The following RTN3 variants were observed in gnomAD, a reference collection of about 807,000 sequenced individuals.
The protein encoded by RTN3 is reticulon 3, also known as reticulon-3.
In RTN3, 49 loss-of-function variants were observed where a neutral mutation model predicts 77.8. That is an observed-to-expected ratio of 0.63 (90% CI 0.50 to 0.80). The LOEUF (loss-of-function observed/expected upper bound fraction) is 0.80. Among genes scored for constraint, RTN3 ranks in the 30% least tolerant of loss-of-function variants. The pLI is 0.00. For synonymous variants in RTN3, 464 were observed against 446.9 expected (o/e 1.04, Z -0.48); for missense variants, 1,236 against 1,211.9 (o/e 1.02, Z -0.29).
chr11:63,753,612 G>A, intron 6 of RTN3, 50 bp from the exon 7 acceptor site: 1 of 1,511,456 alleles, frequency 6.6e-7, no homozygotes, highest in Non-Finnish European at 9.2e-7. Flanking sequence ...GTCTTAAGAT[G>A]TGACTGTCTC....
Position 63,681,723 on chromosome 11 carries a change from G to A in RTN3, c.87G>A (p.Gly29=). 1 of 1,609,636 alleles carries A rather than the reference G, an allele frequency of 6.2e-7. No homozygotes were observed. The highest frequency in any genetic ancestry group is 8.5e-7 in the Non-Finnish European group (1 of 1,178,516). ...AGCCGTCCGCGCCCGGCGGCGGCGG[G>A]AGCCCAGGAGCCTGCCCCGCCCTGG... ...GAEPSAPGGG[G]SPGACPALGT... is the part of the protein sequence containing the mutation. The change falls in exon 1 of 9, where the codon GGG becomes GGA. Residue 29 remains glycine, a synonymous_variant. Transcript: ENST00000377819.
chr11:63,756,357 T>TAA (rs1168322725), intron 8 of RTN3, among the ~76,000 whole-genome samples, 187 bp downstream of exon 8: 2 of 152,230 alleles, frequency 1.3e-5, no homozygotes, highest in African/African-American at 4.8e-5. Context: ...AAATCCTTTA[T>TAA]ATCTTTTTCT....
intron 1 of RTN3, among the ~76,000 whole-genome samples, chr11:63,692,653 C>T (rs113454252): frequency 0.018 from 2,799 of 151,776 alleles, 39 homozygotes; most frequent in Middle Eastern, 0.041. Flanking sequence ...TCCAGCTACT[C>T]GGGAGACTGA....
intron 2 of RTN3, among the ~76,000 whole-genome samples, chr11:63,705,412 G>A (rs1942450179): frequency 6.6e-6 from 1 of 152,184 alleles, no homozygotes; most frequent in South Asian, 2.1e-4. Flanking sequence ...CCCAGGGGCT[G>A]GAGGTTGCAG....
intron 7 of RTN3, 105 bp downstream of exon 7, chr11:63,753,813 T>C (rs1206769285): frequency 9.6e-7 from 1 of 1,040,340 alleles, no homozygotes; most frequent in South Asian, 1.6e-5. Flanking sequence ...TATAACTATT[T>C]CTACAATCTA....
chr11:63,746,079 G>A (rs188583316), intron 3 of RTN3, among the ~76,000 whole-genome samples: 2 of 152,290 alleles, frequency 1.3e-5, no homozygotes, highest in Admixed American at 6.5e-5. Flanking sequence ...CCAAAGTGCT[G>A]GGATTACAGG....
At chr11:63,687,031 G>A (rs908874139) in intron 1 of RTN3, among the ~76,000 whole-genome samples, 3 of 152,068 alleles carry the variant, frequency 2.0e-5, no homozygotes, top group Non-Finnish European at 2.9e-5. Context: ...TTCACACTTT[G>A]TTCTACCATA....
intron 3 of RTN3, chr11:63,747,141 G>T (rs2013844652): frequency 2.5e-6 from 1 of 398,504 alleles, no homozygotes; most frequent in Non-Finnish European, 5.1e-6. Flanking sequence ...TTAGATGCAG[G>T]TTACATGTTT....
At chr11:63,748,243 A>G (rs2013908461) in intron 3 of RTN3, among the ~76,000 whole-genome samples, 1 of 150,016 alleles carries the variant, frequency 6.7e-6, no homozygotes, top group Non-Finnish European at 1.5e-5. Flanking sequence ...TTAAACCAGG[A>G]CCATCCTGGG....
intron 3 of RTN3, among the ~76,000 whole-genome samples, chr11:63,745,175 C>G (rs946518420): frequency 6.6e-6 from 1 of 152,100 alleles, no homozygotes; most frequent in Non-Finnish European, 1.5e-5. Context: ...GGAAAAGTTT[C>G]CAAAAACCAT....
chr11:63,701,088 C>A (rs368914754), intron 1 of RTN3, among the ~76,000 whole-genome samples: 294 of 135,338 alleles, frequency 2.2e-3, no homozygotes, highest in Middle Eastern at 3.8e-3. Context: ...GACTCCTTCT[C>A]AAAAAAAAAA....
At chr11:63,714,021 G>A (rs761821843) in intron 2 of RTN3, 1 of 518,764 alleles carries the variant, frequency 1.9e-6, no homozygotes, top group Non-Finnish European at 3.8e-6. Flanking sequence ...TGACCAATTG[G>A]AAGAGTCTTT....
rs781772414 is a variant in RTN3, at chr11:63,750,186, G to C, written c.2726G>C (p.Gly909Ala). The C allele has an allele frequency of 7.4e-6, 12 of 1,611,522 alleles. No individual in the cohort carries two copies. The highest frequency in any genetic ancestry group is 1.3e-5 in the African/African-American group (1 of 74,880). The change falls in exon 4 of 9, where the codon GGC becomes GCC. Residue 909 changes from glycine to alanine, a missense_variant. Gly to Ala is a moderately conservative substitution (Grantham distance 60). Transcript: ENST00000377819. ...CAAGCTGTACAGAAGTCAGAAGAAG[G>C]CCATCCATTCAAGTGAGTTGAAGTC... The part of the protein sequence containing the change: ...VIQAVQKSEE[G>A]HPFKAYLDVD...
chr11:63,749,055 G>C (rs2013963284), intron 3 of RTN3, among the ~76,000 whole-genome samples: 1 of 152,168 alleles, frequency 6.6e-6, no homozygotes, highest in Non-Finnish European at 1.5e-5. Flanking sequence ...GCCACAGCAG[G>C]AAGATTGCTT....
chr11:63,708,136 G>A (rs1442935593), intron 2 of RTN3, among the ~76,000 whole-genome samples: 6 of 152,226 alleles, frequency 3.9e-5, no homozygotes, highest in Admixed American at 3.3e-4. Flanking sequence ...AACCCTGAAT[G>A]GAGATGAGGG....
At chr11:63,736,872 C>A (rs2013155521) in intron 3 of RTN3, among the ~76,000 whole-genome samples, 1 of 151,932 alleles carries the variant, frequency 6.6e-6, no homozygotes, top group Admixed American at 6.6e-5. Flanking sequence ...AATGACTATC[C>A]CATCATATTC....
At position 63,755,228 on chromosome 11, in the gene RTN3, G is replaced by T. The variant is rs577671460; in HGVS notation, c.2995-884G>T. Among the ~76,000 whole-genome samples, 11 of 152,248 alleles carry T rather than the reference G, an allele frequency of 7.2e-5. No individual in the cohort carries two copies. The South Asian group carries it at 2.3e-3, about 32-fold the overall frequency. On this transcript the variant is annotated intron_variant, in intron 7 of 8. Coordinates refer to ENST00000377819, the MANE Select transcript of RTN3 (RefSeq NM_001265589.2). ...TCATTGGAAACTGTTATATACTCCA[G>T]TGTCTCTAAAGAAAATACTTACCAA...
chr11:63,706,000 C>T (rs143627709), intron 2 of RTN3, among the ~76,000 whole-genome samples: 5 of 152,270 alleles, frequency 3.3e-5, no homozygotes, highest in Non-Finnish European at 7.4e-5. Flanking sequence ...ATTAAAATCA[C>T]TAGACAGATT....
In RTN3 at chr11:63,720,668, T is replaced by C; in HGVS notation, c.2166T>C (p.Pro722=). 6.2e-7 allele frequency: 1 copy of C among 1,614,148 alleles called. No homozygotes were observed. The change falls in exon 3 of 9, where the codon CCT becomes CCC. Residue 722 remains proline, a synonymous_variant. Coordinates refer to ENST00000377819, the MANE Select transcript of RTN3 (RefSeq NM_001265589.2). ...GCAAAGAAACAAATGGAAGTGAGCC[T>C]CTAGGTGTTTTCCCTACCCAAGGTA... ...EQSKETNGSE[P]LGVFPTQGTP... is the part of the protein sequence containing the mutation.
Sources: allele counts gnomAD v4.1 joint callset (sites outside exome capture counted in the v4.1 genomes callset), GRCh38; gene constraint gnomAD v4.1.1; transcripts MANE v1.5; gene names NCBI Gene and HGNC (gene_info 2026-07-23, HGNC 2026-07-21).